The following ZNF562 variants were observed in gnomAD, a reference collection of about 807,000 sequenced individuals.
The protein encoded by ZNF562 is zinc finger protein 562.
ZNF562 carries 13 observed loss-of-function variants against 17.5 expected under a neutral mutation model. That is an observed-to-expected ratio of 0.74 (90% CI 0.48 to 1.18). The LOEUF (loss-of-function observed/expected upper bound fraction) is 1.18, where lower values mean the gene tolerates loss of function less well. Ranked by LOEUF, ZNF562 falls within the 50% of genes most tolerant of loss-of-function variation. The pLI is 0.00. For missense variants in ZNF562, 481 were observed against 498.5 expected (o/e 0.96, Z 0.33); for synonymous variants, 163 against 165.4 (o/e 0.99, Z 0.11).
chr19:9,669,732 G>GCACACACACACACACACA (rs1276865026), intron 1 of ZNF562, among the ~76,000 whole-genome samples: 1 of 76,776 alleles, frequency 1.3e-5, no homozygotes, highest in African/African-American at 4.0e-5. Flanking sequence ...GCGCGCGCGC[G>GCACACACACACACACACA]CGCACACACA....
At position 9,651,447 on chromosome 19, in the gene ZNF562, G is replaced by A. The variant is rs543933274; in HGVS notation, c.*1502C>T. The A allele has an allele frequency of 3.0e-4, 45 of 152,318 alleles. No individual in the cohort carries two copies. Among genetic ancestry groups the A allele is most frequent in the African/African-American group, 1.1e-3 (45 of 41,560 alleles). 9.4% of individuals were successfully genotyped at this position (152,318 alleles called of 1,614,324 possible). ...TGAGTGCTTACAGGAAAATGTGCTG[G>A]GAACAGGCCCCCCAAATCTGGCCAT... On this transcript the variant is annotated 3_prime_UTR_variant, in exon 6 of 6. Transcript: ENST00000453372.
chr19:9,650,057 G>A lies in ZNF562; in HGVS notation c.*2892C>T, dbSNP rs1264492054. The stretch of plus-strand genomic sequence containing the variant: ...AATATCGGGGCTGGTTCCCTGACAG[G>A]ACATAACCTCTTCAAAAAATAAAAA... On this transcript the variant is annotated 3_prime_UTR_variant, in exon 6 of 6. Coordinates refer to ENST00000453372, the MANE Select transcript of ZNF562 (RefSeq NM_001130031.2). 3 of 152,086 alleles carry A rather than the reference G, an allele frequency of 2.0e-5. No individual in the cohort carries two copies. The East Asian group carries it at 5.8e-4, about 29-fold the overall frequency. 9.4% of individuals were successfully genotyped at this position (152,086 alleles called of 1,614,324 possible). A position where few individuals can be genotyped will look rare whatever the true frequency, so the allele number is the denominator to read the frequency against.
At chr19:9,659,554 A>G (rs1375378819) in intron 2 of ZNF562, 87 bp from the exon 3 acceptor site, 1 of 1,485,552 alleles carries the variant, frequency 6.7e-7, no homozygotes, top group Non-Finnish European at 9.0e-7. Context: ...TGAAATTCCC[A>G]TATGCTCCTG....
chr19:9,645,567 T>C lies in ZNF562; in HGVS notation c.*7382A>G, dbSNP rs896721752. The C allele has an allele frequency of 1.2e-4, 18 of 152,238 alleles. No homozygotes were observed. Among genetic ancestry groups the C allele is most frequent in the African/African-American group, 4.1e-4 (17 of 41,456 alleles). The allele number at this position is 152,238 out of a possible 1,614,324, so 9.4% of individuals were successfully genotyped here. On this transcript the variant is annotated 3_prime_UTR_variant, in exon 6 of 6. Transcript: ENST00000453372. ...TGCAAACCAAAGTTGTGCTGGTTTC[T>C]ACTGGTCAAAGCAAGGACTGGCTCA...
In ZNF562 at chr19:9,669,730, GCGCGCACACACACACACACACACACA is replaced by G. The variant is rs2044095648; in HGVS notation, c.-131+5259_-131+5284del. ...TGCACGCGCGCGAGCGCGCGCGCGC[GCGCGCACACACACACACACACACACA>G]CACACACACACACACACACAACCAG... On this transcript the variant is annotated intron_variant, in intron 1 of 5. Coordinates refer to ENST00000453372, the MANE Select transcript of ZNF562 (RefSeq NM_001130031.2). Among the ~76,000 whole-genome samples the G allele has an allele frequency of 6.9e-5, 6 of 86,946 alleles. No homozygotes were observed. The South Asian group carries it at 2.2e-3, about 32-fold the overall frequency. The allele number at this position is 86,946 out of a possible 152,430, so 57.0% of individuals were successfully genotyped here. A position where few individuals can be genotyped will look rare whatever the true frequency, so the allele number is the denominator to read the frequency against.
At chr19:9,663,735 G>A (rs1334741591) in intron 1 of ZNF562, among the ~76,000 whole-genome samples, 1 of 151,560 alleles carries the variant, frequency 6.6e-6, no homozygotes, top group Non-Finnish European at 1.5e-5. Flanking sequence ...GGAGTGCAGT[G>A]GCGCGATCTC....
rs1162147970 is a variant in ZNF562, at chr19:9,649,339, C to A, written c.*3610G>T. On this transcript the variant is annotated 3_prime_UTR_variant, in exon 6 of 6. Transcript: ENST00000453372. ...GTGTTTGAGCAATATGAAATCTGGG[C>A]ACCTTGAAAAAAGAACAGGATAACA... is the stretch of plus-strand genomic sequence containing the variant. 1 of 152,206 alleles carries A rather than the reference C, an allele frequency of 6.6e-6. No homozygotes were observed. The highest frequency in any genetic ancestry group is 1.9e-4 in the East Asian group (1 of 5,186). The allele number at this position is 152,206 out of a possible 1,614,324, so 9.4% of individuals were successfully genotyped here.
rs1341858516 is a variant in ZNF562, at chr19:9,654,020, T to C, written c.349-139A>G. On this transcript the variant is annotated intron_variant, in intron 5 of 5. Transcript: ENST00000453372. Reference sequence around the variant, plus strand: ...TTTTTTTTTTTTTTGAGACAGAGTCTTGTTCTATCTCCCAGTCTACAGTGC... The same window carrying C: ...TTTTTTTTTTTTTTGAGACAGAGTCCTGTTCTATCTCCCAGTCTACAGTGC... The C allele has an allele frequency of 6.9e-5, 71 of 1,024,838 alleles. No homozygotes were observed. The South Asian group carries it at 1.4e-3, about 20-fold the overall frequency. The allele number at this position is 1,024,838 out of a possible 1,614,324, so 63.5% of individuals were successfully genotyped here.
intron 5 of ZNF562, among the ~76,000 whole-genome samples, chr19:9,654,642 C>G (rs996592992): frequency 6.6e-6 from 1 of 151,892 alleles, no homozygotes; most frequent in African/African-American, 2.4e-5. Context: ...ACAGATGGGA[C>G]TTCATCATGT....
intron 2 of ZNF562, among the ~76,000 whole-genome samples, chr19:9,659,744 C>T (rs1237713644): frequency 6.6e-6 from 1 of 151,544 alleles, no homozygotes; most frequent in African/African-American, 2.4e-5. Context: ...AGTAGTAACA[C>T]TCATGAAGCT....
intron 5 of ZNF562, among the ~76,000 whole-genome samples, chr19:9,655,933 A>G (rs2043465447): frequency 6.6e-6 from 1 of 151,610 alleles, no homozygotes; most frequent in African/African-American, 2.4e-5. Flanking sequence ...AGTTTTCACC[A>G]TGTTGGCCAG....
At chr19:9,669,058 A>C (rs1411299711) in intron 1 of ZNF562, among the ~76,000 whole-genome samples, 4 of 152,210 alleles carry the variant, frequency 2.6e-5, no homozygotes, top group Non-Finnish European at 5.9e-5. Flanking sequence ...GTCTGGGTAA[A>C]GATTTCTTGG....
At chr19:9,664,011 T>A (rs1009797113) in intron 1 of ZNF562, among the ~76,000 whole-genome samples, 3 of 152,208 alleles carry the variant, frequency 2.0e-5, no homozygotes, top group African/African-American at 4.8e-5. Flanking sequence ...TGCCTTGGCC[T>A]CCCAAAGTGC....
chr19:9,662,268 CAG>C (rs1467163072), intron 1 of ZNF562, among the ~76,000 whole-genome samples: 5 of 152,094 alleles, frequency 3.3e-5, no homozygotes. Flanking sequence ...TGATGAAAAA[CAG>C]AATTTAAAAT....
rs945545409 is a variant in ZNF562, at chr19:9,646,426, A to T, written c.*6523T>A. 1 of 152,170 alleles carries T rather than the reference A, an allele frequency of 6.6e-6. No homozygotes were observed. The highest frequency in any genetic ancestry group is 2.4e-5 in the African/African-American group (1 of 41,446). The allele number at this position is 152,170 out of a possible 1,614,324, so 9.4% of individuals were successfully genotyped here. The stretch of plus-strand genomic sequence containing the variant: ...TATGTATAAAAAGACACATTTTTTT[A>T]AAAAGCATACAGAAAGACTAAGAAG... On this transcript the variant is annotated 3_prime_UTR_variant, in exon 6 of 6. Coordinates refer to ENST00000453372, the MANE Select transcript of ZNF562 (RefSeq NM_001130031.2).
At position 9,645,528 on chromosome 19, in the gene ZNF562, CT is replaced by C. The variant is rs1185707680; in HGVS notation, c.*7420del. ...GCAGCTACTTAATTAGCAGAAGCCTCTTGAGGATGGACTTGCAAACCAAAGT... is the reference window on the plus strand; with the variant it reads ...GCAGCTACTTAATTAGCAGAAGCCTCTGAGGATGGACTTGCAAACCAAAGT... On this transcript the variant is annotated 3_prime_UTR_variant, in exon 6 of 6. Coordinates refer to ENST00000453372, the MANE Select transcript of ZNF562 (RefSeq NM_001130031.2). The C allele has an allele frequency of 1.3e-5, 2 of 152,204 alleles. No homozygotes were observed. The highest frequency in any genetic ancestry group is 2.4e-5 in the African/African-American group (1 of 41,454). The allele number at this position is 152,204 out of a possible 1,614,324, so 9.4% of individuals were successfully genotyped here.
chr19:9,650,223 TAGAG>T lies in ZNF562; in HGVS notation c.*2722_*2725del, dbSNP rs1037168535. 6.6e-6 allele frequency: 1 copy of T among 152,078 alleles called. No homozygotes were observed. The highest frequency in any genetic ancestry group is 1.5e-5 in the Non-Finnish European group (1 of 68,014). The allele number at this position is 152,078 out of a possible 1,614,324, so 9.4% of individuals were successfully genotyped here. A position where few individuals can be genotyped will look rare whatever the true frequency, so the allele number is the denominator to read the frequency against. On this transcript the variant is annotated 3_prime_UTR_variant, in exon 6 of 6. Transcript: ENST00000453372. ...CAGTCCAGTAAAGCAAGAAAATATT[TAGAG>T]AGAGCTTCATCATCATACGAATTTT...
intron 2 of ZNF562, 86 bp from the exon 3 acceptor site, chr19:9,659,553 C>T: frequency 1.3e-6 from 2 of 1,486,736 alleles, no homozygotes; most frequent in African/African-American, 2.8e-5. Flanking sequence ...TTGAAATTCC[C>T]ATATGCTCCT....
chr19:9,664,995 G>T (rs929416802), intron 1 of ZNF562, among the ~76,000 whole-genome samples: 4 of 152,200 alleles, frequency 2.6e-5, no homozygotes, highest in African/African-American at 9.7e-5. Context: ...GCCAAGGCAG[G>T]TGGCTCACCT....
Sources: allele counts gnomAD v4.1 joint callset (sites outside exome capture counted in the v4.1 genomes callset), GRCh38; gene constraint gnomAD v4.1.1; transcripts MANE v1.5; gene names NCBI Gene and HGNC (gene_info 2026-07-23, HGNC 2026-07-21).